TERT: variants seen among roughly 807,000 people sequenced by gnomAD.
The protein encoded by TERT is telomerase catalytic subunit.
In TERT, 42 loss-of-function variants were observed where a neutral mutation model predicts 104.0. The observed-to-expected ratio is 0.40, with a 90% confidence interval of 0.32 to 0.52. The LOEUF (loss-of-function observed/expected upper bound fraction) is 0.52. Ranked by LOEUF, TERT falls within the 20% of genes least tolerant of loss-of-function variation. The pLI, the probability that TERT is intolerant of heterozygous loss-of-function variation, is 0.43. For synonymous variants in TERT, 781 were observed against 725.6 expected (o/e 1.08, Z -1.23); for missense variants, 1,101 against 1,610.3 (o/e 0.68, Z 5.41).
Position 1,264,744 on chromosome 5 carries a change from C to G in TERT, c.2655-152G>C, listed in dbSNP as rs1748475406. ...GCAGGAGCTCTGAGGAGCCTGGACC[C>G]AGCCCTGCTCCAGACTTCGGGGTGC... On this transcript the variant is annotated intron_variant, in intron 10 of 15. Coordinates refer to ENST00000310581, the MANE Select transcript of TERT (RefSeq NM_198253.3). 4 of 864,644 alleles carry G rather than the reference C, an allele frequency of 4.6e-6. No individual in the cohort carries two copies. The South Asian group carries it at 6.4e-5, about 14-fold the overall frequency. 53.6% of individuals were successfully genotyped at this position (864,644 alleles called of 1,614,324 possible).
intron 2 of TERT, among the ~76,000 whole-genome samples, chr5:1,283,658 C>T (rs1178929874): frequency 2.7e-5 from 4 of 149,964 alleles, no homozygotes; most frequent in Non-Finnish European, 4.5e-5. Context: ...GGCGACCTCA[C>T]GCCGGACCTG....
In TERT at chr5:1,263,194, A is replaced by C. The variant is rs1465034795; in HGVS notation, c.2843+1210T>G. Reference sequence around the variant, plus strand: ...CCCAGGGAGCATTCTGGAAAGAGGCAAAGTCCAGATCTGGACTGTTAACTC... The same window carrying C: ...CCCAGGGAGCATTCTGGAAAGAGGCCAAGTCCAGATCTGGACTGTTAACTC... On this transcript the variant is annotated intron_variant, in intron 11 of 15. Coordinates refer to ENST00000310581, the MANE Select transcript of TERT (RefSeq NM_198253.3). This position sits in a 1 kb window ranked among gnomAD's most constrained non-coding sequence, Gnocchi z 5.3. Among the ~76,000 whole-genome samples, 1 of 152,214 alleles carries C rather than the reference A, an allele frequency of 6.6e-6. No homozygotes were observed. Among genetic ancestry groups the C allele is most frequent in the Non-Finnish European group, 1.5e-5 (1 of 68,040 alleles).
Position 1,286,538 on chromosome 5 carries a change from C to A in TERT, c.1574-3914G>T, listed in dbSNP as rs1750506845. Among the ~76,000 whole-genome samples the A allele has an allele frequency of 6.6e-6, 1 of 152,164 alleles. No homozygotes were observed. Among genetic ancestry groups the A allele is most frequent in the South Asian group, 2.1e-4 (1 of 4,830 alleles). On this transcript the variant is annotated intron_variant, in intron 2 of 15. Coordinates refer to ENST00000310581, the MANE Select transcript of TERT (RefSeq NM_198253.3). The surrounding 1 kb of genome is among the most constrained non-coding windows in gnomAD (Gnocchi z 5.3). ...GCCAGAGCTAAAATACACTAAGGGT[C>A]TTATTGCTCAGGACAAGGGTAGCAA...
rs199517236 is a variant in TERT at position 1,255,444 on chromosome 5, G to A, written c.3033-33C>T. On this transcript the variant is annotated intron_variant, in intron 13 of 15. Transcript: ENST00000310581. This position sits in a 1 kb window ranked among gnomAD's most constrained non-coding sequence, Gnocchi z 6.9. ...GATGGCGGACAGCGTCAGAGGAAAG[G>A]CCTCCTAATCAGACGGTGCTCGTGG... 8.7e-6 allele frequency: 14 copies of A among 1,613,724 alleles called. No homozygotes were observed. Among genetic ancestry groups the A allele is most frequent in the Non-Finnish European group, 1.1e-5 (13 of 1,179,938 alleles).
chr5:1,255,264 T>G lies in TERT; in HGVS notation c.3157+23A>C. The G allele has an allele frequency of 6.2e-7, 1 of 1,612,194 alleles. No individual in the cohort carries two copies. The highest frequency in any genetic ancestry group is 1.1e-5 in the South Asian group (1 of 90,574). ...ACCAGCAGGCAGGCACTGCTGCCAC[T>G]GAGGCCAGGCACCTGCACATACCTG... On this transcript the variant is annotated intron_variant, in intron 14 of 15. Transcript: ENST00000310581. The surrounding 1 kb of genome is among the most constrained non-coding windows in gnomAD (Gnocchi z 6.9).
At chr5:1,254,548 C>T in intron 14 of TERT, 43 bp from the exon 15 acceptor site, 1 of 1,584,258 alleles carries the variant, frequency 6.3e-7, no homozygotes, top group South Asian at 1.1e-5. Flanking sequence ...CCCAGCCCAG[C>T]TCCCCTCCCA....
chr5:1,289,876 G>A lies in TERT; in HGVS notation c.1573+3437C>T, dbSNP rs1392945305. On this transcript the variant is annotated intron_variant, in intron 2 of 15. Transcript: ENST00000310581. The stretch of plus-strand genomic sequence containing the variant: ...CACCCTGCAAGTGACAGGGACACCC[G>A]GGGGCCGCGCCTCACTCACCCTGCA... Among the ~76,000 whole-genome samples the A allele has an allele frequency of 3.3e-4, 25 of 75,342 alleles. 4 individuals are homozygous for A. Among genetic ancestry groups the A allele is most frequent in the African/African-American group, 2.0e-3 (24 of 11,788 alleles). 49.4% of individuals were successfully genotyped at this position (75,342 alleles called of 152,430 possible). A position where few individuals can be genotyped will look rare whatever the true frequency, so the allele number is the denominator to read the frequency against.
intron 9 of TERT, among the ~76,000 whole-genome samples, chr5:1,267,863 T>A (rs937766713): frequency 1.3e-5 from 2 of 151,994 alleles, no homozygotes; most frequent in African/African-American, 4.8e-5. Flanking sequence ...AGGGATAGCA[T>A]TAGGAGATAT....
intron 2 of TERT, among the ~76,000 whole-genome samples, chr5:1,291,708 GT>G (rs1750997148): frequency 1.4e-5 from 2 of 147,912 alleles, no homozygotes; most frequent in African/African-American, 2.5e-5. Context: ...CACCCTACAC[GT>G]GACAGGGACA....
rs368971779 is a variant in TERT, at chr5:1,261,793, C to T, written c.2844-1193G>A. On this transcript the variant is annotated intron_variant, in intron 11 of 15. Transcript: ENST00000310581. This position sits in a 1 kb window ranked among gnomAD's most constrained non-coding sequence, Gnocchi z 7.4. The stretch of plus-strand genomic sequence containing the variant: ...ATGGGTCTGACTTGTGTGGGGTCCT[C>T]GGGCAGAGCAAGGGCCCCGGAGCAG... Among the ~76,000 whole-genome samples the T allele has an allele frequency of 6.6e-6, 1 of 152,106 alleles. No homozygotes were observed. Among genetic ancestry groups the T allele is most frequent in the Non-Finnish European group, 1.5e-5 (1 of 68,024 alleles).
At position 1,293,408 on chromosome 5, in the gene TERT, T is replaced by C. The variant is rs1205855450; in HGVS notation, c.1478A>G (p.Lys493Arg). Residue 493 changes from lysine (K) to arginine (R), a missense_variant, in exon 2 of 16, where the codon AAG (lysine) becomes AGG (arginine). Around this residue, in one of 5 missense-constraint regions of TERT, gnomAD observed 504 missense variants for 544.6 expected, o/e 0.93. Transcript: ENST00000310581. ...NERRFLRNTKKFISLGKHAKL... is the reference protein window; with the variant it reads ...NERRFLRNTKRFISLGKHAKL... ...GGCATGCTTCCCCAGGGAGATGAAC[T>C]TCTTGGTGTTCCTGAGGAAGCGGCG... The C allele has an allele frequency of 1.2e-6, 2 of 1,613,202 alleles. No individual in the cohort carries two copies. The highest frequency in any genetic ancestry group is 1.7e-6 in the Non-Finnish European group (2 of 1,179,958).
intron 2 of TERT, among the ~76,000 whole-genome samples, chr5:1,284,977 C>T (rs61314982): frequency 6.6e-6 from 1 of 150,570 alleles, no homozygotes; most frequent in Admixed American, 6.6e-5. Context: ...AGACACCACA[C>T]ATCCAGCTCA....
intron 2 of TERT, among the ~76,000 whole-genome samples, chr5:1,284,409 C>T (rs1385671152): frequency 4.0e-5 from 6 of 149,568 alleles, no homozygotes; most frequent in Non-Finnish European, 5.9e-5. Context: ...CTGCACCATC[C>T]GGACACCGCA....
At position 1,268,513 on chromosome 5, in the gene TERT, G is replaced by C. The variant is rs766415474; in HGVS notation, c.2582+7C>G. Reference sequence around the variant, plus strand: ...CCCAAGCCCCCCTGGGGAAGAGGAGGCCTCACCCGTCCCGCCGAATCCCCG... The same window carrying C: ...CCCAAGCCCCCCTGGGGAAGAGGAGCCCTCACCCGTCCCGCCGAATCCCCG... On this transcript the variant is annotated splice_region_variant and intron_variant, in intron 9 of 15. Transcript: ENST00000310581. This position sits in a 1 kb window ranked among gnomAD's most constrained non-coding sequence, Gnocchi z 5.5. 2 of 1,611,086 alleles carry C rather than the reference G, an allele frequency of 1.2e-6. No homozygotes were observed. The highest frequency in any genetic ancestry group is 1.7e-5 in the Admixed American group (1 of 60,016).
rs1354744235 is a variant in TERT, at chr5:1,287,762, C to T, written c.1574-5138G>A. Among the ~76,000 whole-genome samples the T allele has an allele frequency of 1.3e-5, 2 of 152,050 alleles. No individual in the cohort carries two copies. Among genetic ancestry groups the T allele is most frequent in the African/African-American group, 4.8e-5 (2 of 41,398 alleles). ...ACAGACCCATCCCCCAGGTGAGGGA[C>T]TATGGCCTCCTTCTTGGAATTTCAT... On this transcript the variant is annotated intron_variant, in intron 2 of 15. Coordinates refer to ENST00000310581, the MANE Select transcript of TERT (RefSeq NM_198253.3). The surrounding 1 kb of genome is among the most constrained non-coding windows in gnomAD (Gnocchi z 4.3).
rs1300295513 is a variant in TERT, at chr5:1,294,322, T to C, written c.564A>G (p.Pro188=). ...LGAATQARPP[P]HASGPRRRLG... is the part of the protein sequence containing the mutation. ...GACGCCTTCGGGGTCCACTAGCGTG[T>C]GGCGGGGGCCGGGCCTGAGTGGCAG... Residue 188 remains proline (P), a synonymous_variant, in exon 2 of 16, where the codon CCA becomes CCG. Transcript: ENST00000310581. 2 of 1,586,856 alleles carry C rather than the reference T, an allele frequency of 1.3e-6. No individual in the cohort carries two copies. Among genetic ancestry groups the C allele is most frequent in the Non-Finnish European group, 1.7e-6 (2 of 1,173,460 alleles).
rs913134843 is a variant in TERT, at chr5:1,270,589, C to A, written c.2468+530G>T. 5.3e-5 allele frequency among the ~76,000 whole-genome samples: 8 copies of A among 152,158 alleles called. No individual in the cohort carries two copies. The highest frequency in any genetic ancestry group is 2.0e-4 in the Admixed American group (3 of 15,282). The stretch of plus-strand genomic sequence containing the variant: ...CCGCCTGCCCCATGGCCACCACAGG[C>A]CCCCCGAGAGGAGCAAACTACACGG... On this transcript the variant is annotated intron_variant, in intron 8 of 15. Transcript: ENST00000310581. This position sits in a 1 kb window ranked among gnomAD's most constrained non-coding sequence, Gnocchi z 8.3.
Position 1,292,106 on chromosome 5 carries a change from G to T in TERT, c.1573+1207C>A, listed in dbSNP as rs1220853757. The stretch of plus-strand genomic sequence containing the variant: ...TAGGAGTGCCAATCTCATGTTATAT[G>T]ACTTTTGCCACCATAAAAAGAAAAA... On this transcript the variant is annotated intron_variant, in intron 2 of 15. Transcript: ENST00000310581. This position sits in a 1 kb window ranked among gnomAD's most constrained non-coding sequence, Gnocchi z 5.5. 6.6e-6 allele frequency among the ~76,000 whole-genome samples: 1 copy of T among 151,980 alleles called. No homozygotes were observed. Among genetic ancestry groups the T allele is most frequent in the Non-Finnish European group, 1.5e-5 (1 of 68,016 alleles).
In TERT at chr5:1,293,912, T is replaced by C; in HGVS notation, c.974A>G (p.Tyr325Cys). The C allele has an allele frequency of 6.5e-7, 1 of 1,542,076 alleles. No individual in the cohort carries two copies. Among genetic ancestry groups the C allele is most frequent in the Non-Finnish European group, 8.7e-7 (1 of 1,147,118 alleles). Reference protein sequence around the residue: ...RPWDTPCPPVYAETKHFLYSS... With the variant: ...RPWDTPCPPVCAETKHFLYSS... ...GTAGAGGAAGTGCTTGGTCTCGGCG[T>C]ACACCGGGGGACAAGGCGTGTCCCA... is the stretch of plus-strand genomic sequence containing the variant. Residue 325 changes from tyrosine to cysteine, a missense_variant, in exon 2 of 16, where the codon TAC becomes TGC. By Grantham distance (194) the Tyr-to-Cys change is radical. This residue lies in a region of TERT where 504 missense variants were observed against 544.6 expected (regional missense o/e 0.93). Transcript: ENST00000310581.
Sources: allele counts gnomAD v4.1 joint callset (sites outside exome capture counted in the v4.1 genomes callset), GRCh38; gene constraint gnomAD v4.1.1; regional missense constraint gnomAD v4.1.1; non-coding constraint Gnocchi (gnomAD v3.1); transcripts MANE v1.5; gene names NCBI Gene and HGNC (gene_info 2026-07-23, HGNC 2026-07-21).